Variants in CD4 observed in about 807,000 individuals in gnomAD.
CD4 encodes CD4 molecule, also known as T-cell surface glycoprotein CD4.
Under a neutral mutation model 50.5 loss-of-function variants are expected in CD4, and 25 were observed. That is an observed-to-expected ratio of 0.49 (90% confidence interval 0.36 to 0.69). CD4 has a LOEUF of 0.69. Ranked by LOEUF, CD4 falls within the 30% of genes least tolerant of loss-of-function variation. The probability of loss-of-function intolerance (pLI) is 0.00; values close to 1 mark genes in which losing one functional copy is unlikely to be tolerated. For missense variants in CD4, 456 were observed against 548.5 expected (o/e 0.83, Z 1.68); for synonymous variants, 207 against 221.9 (o/e 0.93, Z 0.60).
intron 1 of CD4, among the ~76,000 whole-genome samples, chr12:6,793,949 A>G (rs1942272243): frequency 1.1e-5 from 1 of 91,080 alleles, no homozygotes; most frequent in South Asian, 3.6e-4. Flanking sequence ...ACCACACACG[A>G]CACCCGGCTT....
intron 5 of CD4, chr12:6,815,767 G>A: frequency 7.1e-7 from 1 of 1,414,100 alleles, no homozygotes; most frequent in South Asian, 1.2e-5. Flanking sequence ...GAGGCCAAAT[G>A]GCTTCTGTGG....
rs201443844 is a variant in CD4, at chr12:6,816,075, C to T, written c.627C>T (p.Ser209=). 7.4e-5 allele frequency: 120 copies of T among 1,614,126 alleles called. No individual in the cohort carries two copies. In the East Asian group the frequency reaches 2.0e-3, roughly 28 times the overall value. ...IVVLAFQKAS[S]IVYKKEGEQV... ...CTCCAGCTTTCCAGAAGGCCTCCAG[C>T]ATAGTCTATAAGAAAGAGGGGGAAC... The change falls in exon 6 of 10, where the codon AGC becomes AGT. Residue 209 remains serine, a synonymous_variant. Coordinates refer to ENST00000011653, the MANE Select transcript of CD4 (RefSeq NM_000616.5). The surrounding 1 kb of genome is among the most constrained non-coding windows in gnomAD (Gnocchi z 4.9).
chr12:6,794,381 T>C (rs1942299236), intron 1 of CD4, among the ~76,000 whole-genome samples: 1 of 150,566 alleles, frequency 6.6e-6, no homozygotes, highest in South Asian at 2.1e-4. Flanking sequence ...ATCTATCTTT[T>C]TTTTTTTTGA....
chr12:6,819,137 AGGC>A (rs1943203298), intron 9 of CD4, among the ~76,000 whole-genome samples, 159 bp from the exon 10 acceptor site: 1 of 151,792 alleles, frequency 6.6e-6, no homozygotes, highest in African/African-American at 2.4e-5. Flanking sequence ...AGCTAGAAGG[AGGC>A]AGAAGTGGGA....
intron 1 of CD4, among the ~76,000 whole-genome samples, chr12:6,798,083 C>T (rs750879505): frequency 5.3e-5 from 8 of 152,180 alleles, no homozygotes; most frequent in South Asian, 4.1e-4. Context: ...GGGGTTCCTG[C>T]GGCCTTCCAC....
At chr12:6,804,950 A>G (rs1591551863) in intron 3 of CD4, among the ~76,000 whole-genome samples, 1 of 149,278 alleles carries the variant, frequency 6.7e-6, no homozygotes, top group African/African-American at 2.5e-5. Context: ...TGGGAGGCGG[A>G]GCTTGCAGTG....
At chr12:6,805,767 C>T (rs1055354213) in intron 3 of CD4, among the ~76,000 whole-genome samples, 6 of 151,838 alleles carry the variant, frequency 4.0e-5, no homozygotes, top group Non-Finnish European at 4.4e-5. Context: ...AAAATACCAG[C>T]AAGATTTTTT....
rs1555118586 is a variant in CD4, at chr12:6,818,947, G to A, written c.1346+33G>A. On this transcript the variant is annotated intron_variant, in intron 9 of 9. Coordinates refer to ENST00000011653, the MANE Select transcript of CD4 (RefSeq NM_000616.5). This position sits in a 1 kb window ranked among gnomAD's most constrained non-coding sequence, Gnocchi z 5.0. ...TCTGGGAGGAGGGGTTGAGAGAGGGGAAAGGGGGAGGGGGAGGGAGTTAGA... is the reference window on the plus strand; with the variant it reads ...TCTGGGAGGAGGGGTTGAGAGAGGGAAAAGGGGGAGGGGGAGGGAGTTAGA... The A allele has an allele frequency of 4.7e-6, 4 of 843,352 alleles. No individual in the cohort carries two copies. Among genetic ancestry groups the A allele is most frequent in the Admixed American group, 3.6e-5 (2 of 55,244 alleles). 52.2% of individuals were successfully genotyped at this position (843,352 alleles called of 1,614,324 possible).
chr12:6,810,178 C>A (rs1427030886), intron 3 of CD4, among the ~76,000 whole-genome samples: 1 of 52 alleles, frequency 0.019, no homozygotes, highest in East Asian at 0.25. Context: ...GCGTGAGCCA[C>A]CGCACCTGCC....
intron 3 of CD4, among the ~76,000 whole-genome samples, chr12:6,807,056 A>G (rs1327704742): frequency 6.6e-6 from 1 of 151,974 alleles, no homozygotes; most frequent in Non-Finnish European, 1.5e-5. Flanking sequence ...AGTCCCAGCT[A>G]CTCGGGAGGC....
chr12:6,813,948 G>A, intron 3 of CD4, 194 bp from the exon 4 acceptor site: 1 of 526,084 alleles, frequency 1.9e-6, no homozygotes, highest in Admixed American at 2.9e-5. Context: ...ATTTGTATTT[G>A]TGAGCTACTG....
Position 6,818,643 on chromosome 12 carries a change from G to A in CD4, c.1278+101G>A. 3 of 1,454,492 alleles carry A rather than the reference G, an allele frequency of 2.1e-6. No individual in the cohort carries two copies. Among genetic ancestry groups the A allele is most frequent in the Non-Finnish European group, 2.9e-6 (3 of 1,049,524 alleles). The allele number at this position is 1,454,492 out of a possible 1,614,324, so 90.1% of individuals were successfully genotyped here. ...AACTGATTTTGGCCCAGCTCCCTCT[G>A]CCCACTCGTAAGTTCCCTTGCTGCC... On this transcript the variant is annotated intron_variant, in intron 8 of 9. Coordinates refer to ENST00000011653, the MANE Select transcript of CD4 (RefSeq NM_000616.5). The surrounding 1 kb of genome is among the most constrained non-coding windows in gnomAD (Gnocchi z 5.0).
chr12:6,815,006 C>T lies in CD4; in HGVS notation c.607+14C>T. 2 of 1,570,412 alleles carry T rather than the reference C, an allele frequency of 1.3e-6. No homozygotes were observed. The highest frequency in any genetic ancestry group is 1.7e-6 in the Non-Finnish European group (2 of 1,143,654). On this transcript the variant is annotated intron_variant, in intron 5 of 9. Transcript: ENST00000011653. Reference sequence around the variant, plus strand: ...TCGTGGTGCTAGGTAAGGGAAGCCCCTCTTCGCGCAGTCTCCTCCCTGCCC... The same window carrying T: ...TCGTGGTGCTAGGTAAGGGAAGCCCTTCTTCGCGCAGTCTCCTCCCTGCCC...
chr12:6,799,943 C>T lies in CD4; in HGVS notation c.-67-129C>T, dbSNP rs1942484891. 4 of 591,270 alleles carry T rather than the reference C, an allele frequency of 6.8e-6. No homozygotes were observed. The East Asian group carries it at 1.1e-4, about 17-fold the overall frequency. The allele number at this position is 591,270 out of a possible 1,614,324, so 36.6% of individuals were successfully genotyped here. On this transcript the variant is annotated intron_variant, in intron 1 of 9. Transcript: ENST00000011653. The stretch of plus-strand genomic sequence containing the variant: ...CCTTCCTTAATCCAACCTCCAATTC[C>T]CTCTGCTATTCTCCTGCCTCAAGTT...
intron 3 of CD4, among the ~76,000 whole-genome samples, chr12:6,801,330 A>C (rs1555115211): frequency 6.6e-6 from 1 of 150,526 alleles, no homozygotes; most frequent in Non-Finnish European, 1.5e-5. Context: ...CAGTCTGGCC[A>C]ACATGGTGAA....
chr12:6,791,136 C>T (rs1374991135), intron 1 of CD4, among the ~76,000 whole-genome samples: 1 of 152,216 alleles, frequency 6.6e-6, no homozygotes, highest in Admixed American at 6.5e-5. Flanking sequence ...CTCCTCCCAC[C>T]ACTGGTGCTA....
At chr12:6,807,121 C>A (rs1555116304) in intron 3 of CD4, among the ~76,000 whole-genome samples, 1 of 152,026 alleles carries the variant, frequency 6.6e-6, no homozygotes, top group African/African-American at 2.4e-5. Context: ...GAGCCGAGAT[C>A]GCGCCATTGC....
intron 5 of CD4, 85 bp downstream of exon 5, chr12:6,815,077 G>A: frequency 2.1e-6 from 2 of 944,156 alleles, no homozygotes; most frequent in Non-Finnish European, 3.3e-6. Context: ...CCTGTTTCTG[G>A]TTCTGGTGCT....
intron 3 of CD4, among the ~76,000 whole-genome samples, chr12:6,811,468 CT>C (rs1460133040): frequency 2.4e-4 from 35 of 142,874 alleles, no homozygotes; most frequent in African/African-American, 9.4e-4. Flanking sequence ...AACATTTTTT[CT>C]TTTCTTTTTT....
Sources: gnomAD v4.1 joint callset for allele counts (sites outside exome capture counted in the v4.1 genomes callset) on GRCh38, gnomAD v4.1.1 for gene constraint, Gnocchi (gnomAD v3.1) non-coding constraint, MANE v1.5 for transcripts, NCBI Gene and HGNC (gene_info 2026-07-23, HGNC 2026-07-21) for gene names.